FBLN5: variants seen among roughly 807,000 people sequenced by gnomAD.
FBLN5 encodes the protein fibulin 5.
FBLN5 carries 24 observed loss-of-function variants against 61.6 expected under a neutral mutation model. The observed-to-expected ratio is 0.39, with a 90% CI of 0.28 to 0.55. The LOEUF is 0.55. Among genes scored for constraint, FBLN5 ranks in the 20% least tolerant of loss-of-function variants. FBLN5 has a pLI of 0.65. For missense variants in FBLN5, 470 were observed against 594.1 expected (o/e 0.79, Z 2.17); for synonymous variants, 213 against 219.8 (o/e 0.97, Z 0.27).
At chr14:91,934,001 A>G (rs1418615109) in intron 4 of FBLN5, among the ~76,000 whole-genome samples, 9 of 152,094 alleles carry the variant, frequency 5.9e-5, no homozygotes, top group Admixed American at 5.9e-4. Context: ...AGTCCCAGCT[A>G]CTTGGGAGGC....
At chr14:91,903,750 G>A (rs567113147) in intron 4 of FBLN5, among the ~76,000 whole-genome samples, 18 of 152,098 alleles carry the variant, frequency 1.2e-4, no homozygotes, top group East Asian at 3.9e-4. Context: ...TTCCCTTCAC[G>A]TCCCACTCTC....
chr14:91,889,179 G>C (rs898106866), intron 6 of FBLN5, among the ~76,000 whole-genome samples: 1 of 152,244 alleles, frequency 6.6e-6, no homozygotes, highest in Non-Finnish European at 1.5e-5. Flanking sequence ...ACCGGGGACA[G>C]GAGGGGGTAG....
At chr14:91,921,216 A>T (rs2055728432) in intron 4 of FBLN5, among the ~76,000 whole-genome samples, 1 of 152,210 alleles carries the variant, frequency 6.6e-6, no homozygotes, top group South Asian at 2.1e-4. Flanking sequence ...GTTAAAGAAA[A>T]AGGTAGTAAA....
At chr14:91,923,050 G>C (rs1340542250) in intron 4 of FBLN5, among the ~76,000 whole-genome samples, 2 of 152,154 alleles carry the variant, frequency 1.3e-5, no homozygotes, top group African/African-American at 4.8e-5. Context: ...TCCGAAAGCT[G>C]CCTGTCTCCA....
At chr14:91,908,190 T>G (rs1326345996) in intron 4 of FBLN5, among the ~76,000 whole-genome samples, 2 of 152,196 alleles carry the variant, frequency 1.3e-5, no homozygotes, top group Non-Finnish European at 2.9e-5. Flanking sequence ...TTCCCAGAAG[T>G]TGCTGTCTAT....
chr14:91,938,177 C>T (rs899995078), intron 3 of FBLN5, among the ~76,000 whole-genome samples: 1 of 152,244 alleles, frequency 6.6e-6, no homozygotes, highest in African/African-American at 2.4e-5. Context: ...AAGGCTTAGG[C>T]TGGGCACAGT....
intron 2 of FBLN5, 63 bp downstream of exon 2, chr14:91,942,844 C>A: frequency 9.3e-7 from 1 of 1,078,372 alleles, no homozygotes; most frequent in Middle Eastern, 2.0e-4. Flanking sequence ...TAGCGCAAGG[C>A]TGGACTCCCT....
chr14:91,906,735 C>A (rs1371559218), intron 4 of FBLN5, among the ~76,000 whole-genome samples: 1 of 152,216 alleles, frequency 6.6e-6, no homozygotes, highest in East Asian at 1.9e-4. Flanking sequence ...ACATGTGGGG[C>A]CAACCAGCTG....
At chr14:91,879,730 C>T (rs984441355) in intron 9 of FBLN5, among the ~76,000 whole-genome samples, 2 of 152,182 alleles carry the variant, frequency 1.3e-5, no homozygotes, top group African/African-American at 4.8e-5. Flanking sequence ...TGAAGATGTC[C>T]CTAAAGGATC....
intron 5 of FBLN5, among the ~76,000 whole-genome samples, chr14:91,892,236 C>G (rs1312012220): frequency 6.6e-6 from 1 of 152,180 alleles, no homozygotes; most frequent in East Asian, 1.9e-4. Context: ...TGAATGAAAT[C>G]ACCGGCCTCC....
chr14:91,916,482 G>C (rs2140016160), intron 4 of FBLN5, among the ~76,000 whole-genome samples: 2 of 152,218 alleles, frequency 1.3e-5, no homozygotes, highest in South Asian at 4.1e-4. Context: ...TGAGGGACTA[G>C]GCATTTCTTC....
chr14:91,895,189 C>T (rs1047819633), intron 4 of FBLN5, 117 bp from the exon 5 acceptor site: 10 of 1,269,750 alleles, frequency 7.9e-6, no homozygotes, highest in Non-Finnish European at 1.1e-5. Flanking sequence ...CACTAGGTTA[C>T]ACCCAAGGAG....
At chr14:91,946,914 C>T in intron 1 of FBLN5, 1 of 1,460,526 alleles carries the variant, frequency 6.8e-7, no homozygotes, top group Admixed American at 2.7e-5. Flanking sequence ...CTTAAAACGA[C>T]AAAGTTGCTG....
intron 4 of FBLN5, among the ~76,000 whole-genome samples, chr14:91,908,950 A>C (rs1406559271): frequency 2.0e-5 from 3 of 151,516 alleles, no homozygotes; most frequent in African/African-American, 7.3e-5. Context: ...ATGGAGTCTC[A>C]CTCGTCGCTC....
At chr14:91,927,943 G>T (rs1270060194) in intron 4 of FBLN5, among the ~76,000 whole-genome samples, 1 of 152,276 alleles carries the variant, frequency 6.6e-6, no homozygotes, top group African/African-American at 2.4e-5. Flanking sequence ...TGAAAAGACT[G>T]CCACGCTAGA....
chr14:91,893,769 C>T (rs537217593), intron 5 of FBLN5, among the ~76,000 whole-genome samples: 1 of 152,308 alleles, frequency 6.6e-6, no homozygotes, highest in South Asian at 2.1e-4. Flanking sequence ...ATGCTAACTG[C>T]AAAGGCAGTT....
At chr14:91,930,477 G>A (rs563251985) in intron 4 of FBLN5, among the ~76,000 whole-genome samples, 3 of 152,194 alleles carry the variant, frequency 2.0e-5, no homozygotes, top group African/African-American at 7.2e-5. Flanking sequence ...TTCCTCTCTG[G>A]GCCTGCGTAG....
In FBLN5 at chr14:91,914,410, G is replaced by A. The variant is rs188574264; in HGVS notation, c.380-19338C>T. Among the ~76,000 whole-genome samples the A allele has an allele frequency of 1.4e-3, 212 of 150,576 alleles. 7 individuals carry two copies. The highest frequency in any genetic ancestry group is 0.013 in the Admixed American group (193 of 15,074). The stretch of plus-strand genomic sequence containing the variant: ...GGAGAATGGCATGAACCCAGGAGGC[G>A]GAGCTTGCAGTGAGCCGAGATCATG... On this transcript the variant is annotated intron_variant, in intron 4 of 10. Coordinates refer to ENST00000342058, the MANE Select transcript of FBLN5 (RefSeq NM_006329.4).
At chr14:91,885,778 CG>C (rs1566803767) in intron 7 of FBLN5, among the ~76,000 whole-genome samples, 1 of 152,214 alleles carries the variant, frequency 6.6e-6, no homozygotes, top group African/African-American at 2.4e-5. Flanking sequence ...TGCGGATTAA[CG>C]GAGGATTCTG....
Sources: gnomAD v4.1 joint callset for allele counts (sites outside exome capture counted in the v4.1 genomes callset) on GRCh38, gnomAD v4.1.1 for gene constraint, MANE v1.5 for transcripts, NCBI Gene and HGNC (gene_info 2026-07-23, HGNC 2026-07-21) for gene names.